Variants in SPNS3 observed in about 807,000 individuals in gnomAD.
The protein encoded by SPNS3 is SPNS lysolipid transporter 3, sphingosine-1-phosphate (putative).
Under a neutral mutation model 54.4 loss-of-function variants are expected in SPNS3, and 51 were observed. That is an observed-to-expected ratio of 0.94 (90% CI 0.75 to 1.18). SPNS3 has a LOEUF of 1.18. Among genes scored for constraint, SPNS3 ranks in the 50% most tolerant of loss-of-function variants. The pLI is 0.00. For synonymous variants in SPNS3, 309 were observed against 294.7 expected, an observed-to-expected ratio of 1.05 and a Z score of -0.50; for missense variants, 669 against 677.4, an observed-to-expected ratio of 0.99 and a Z score of 0.14.
At chr17:4,451,786 A>G (rs1454401297) in intron 7 of SPNS3, among the ~76,000 whole-genome samples, 2 of 148,584 alleles carry the variant, frequency 1.3e-5, no homozygotes, top group East Asian at 2.0e-4. Flanking sequence ...TCCTGCCTCA[A>G]CCTCCTGAGT....
chr17:4,470,808 C>T (rs181906667), intron 8 of SPNS3, among the ~76,000 whole-genome samples: 1 of 152,294 alleles, frequency 6.6e-6, no homozygotes, highest in East Asian at 1.9e-4. Context: ...TGAATACTAG[C>T]TATGAAAGAG....
chr17:4,484,399 G>C (rs1474605031), intron 9 of SPNS3, among the ~76,000 whole-genome samples: 1 of 152,128 alleles, frequency 6.6e-6, no homozygotes, highest in Non-Finnish European at 1.5e-5. Context: ...CGGCTCACTA[G>C]AACCTCCACC....
intron 8 of SPNS3, among the ~76,000 whole-genome samples, chr17:4,476,787 A>G (rs1972013466): frequency 6.6e-6 from 1 of 152,124 alleles, no homozygotes; most frequent in Non-Finnish European, 1.5e-5. Flanking sequence ...GGGACCAGGC[A>G]CTGCAGTCCC....
At chr17:4,478,539 G>C in intron 8 of SPNS3, 33 bp from the exon 9 acceptor site, 1 of 1,553,634 alleles carries the variant, frequency 6.4e-7, no homozygotes, top group Non-Finnish European at 8.7e-7. Flanking sequence ...CTGGGATCTG[G>C]GAATCCTCAC....
chr17:4,446,839 G>A lies in SPNS3; in HGVS notation c.555-57G>A. ...GCACCCTGGGTCAGGCTGGTGGTGGGGTCTGCCTTCCGCCTCCCTCCCCTC... is the reference window on the plus strand; with the variant it reads ...GCACCCTGGGTCAGGCTGGTGGTGGAGTCTGCCTTCCGCCTCCCTCCCCTC... On this transcript the variant is annotated intron_variant, in intron 4 of 11. Coordinates refer to ENST00000355530, the MANE Select transcript of SPNS3 (RefSeq NM_182538.5). The A allele has an allele frequency of 3.9e-6, 6 of 1,539,942 alleles. No homozygotes were observed. In the Admixed American group the frequency reaches 6.7e-5, roughly 17 times the overall value.
intron 1 of SPNS3, among the ~76,000 whole-genome samples, chr17:4,436,472 C>T (rs1443330746): frequency 1.3e-5 from 2 of 150,658 alleles, no homozygotes; most frequent in Admixed American, 1.3e-4. Context: ...TGTCTTCAGC[C>T]TCTCGGGAGG....
At chr17:4,480,471 G>T (rs757021278) in intron 9 of SPNS3, among the ~76,000 whole-genome samples, 3 of 152,184 alleles carry the variant, frequency 2.0e-5, no homozygotes, top group Non-Finnish European at 4.4e-5. Flanking sequence ...CTCTGAGGTG[G>T]TCCAAACAGA....
intron 8 of SPNS3, 151 bp from the exon 9 acceptor site, chr17:4,478,421 T>C: frequency 1.5e-6 from 1 of 668,492 alleles, no homozygotes. Context: ...ACTGGAAAAA[T>C]AGTTCTAGGC....
intron 1 of SPNS3, among the ~76,000 whole-genome samples, chr17:4,436,993 C>T (rs765143737): frequency 6.6e-6 from 1 of 152,214 alleles, no homozygotes; most frequent in South Asian, 2.1e-4. Flanking sequence ...GCCCTAAGAC[C>T]CTGAGTCTTG....
At chr17:4,441,840 C>T (rs1323033933) in intron 2 of SPNS3, among the ~76,000 whole-genome samples, 4 of 151,878 alleles carry the variant, frequency 2.6e-5, no homozygotes, top group Non-Finnish European at 5.9e-5. Context: ...GTCTCGAACT[C>T]CTGACCTCAA....
At chr17:4,477,988 T>G in intron 8 of SPNS3, among the ~76,000 whole-genome samples, 1 of 143,600 alleles carries the variant, frequency 7.0e-6, no homozygotes, top group Non-Finnish European at 1.5e-5. Flanking sequence ...TTTTTTTTTT[T>G]TGAGGCGGAG....
chr17:4,468,010 C>T (rs1462828639), intron 8 of SPNS3, among the ~76,000 whole-genome samples: 1 of 152,196 alleles, frequency 6.6e-6, no homozygotes, highest in Admixed American at 6.5e-5. Context: ...AGGTATAAGG[C>T]CACCCCCAGT....
In SPNS3 at chr17:4,448,166, C is replaced by A. The variant is rs1213624287; in HGVS notation, c.633C>A (p.Cys211Ter). The change falls in exon 6 of 12, where the codon TGC (cysteine) becomes TGA (stop). Residue 211 changes from cysteine to a stop codon, truncating the protein, a stop_gained. Coordinates refer to ENST00000355530, the MANE Select transcript of SPNS3 (RefSeq NM_182538.5). LOFTEE classifies it high-confidence loss of function. ...CCTCCTGTCCCCAGGTCATGCCCTG[C>A]CTGGAGGCCGTGGCCTTGATCCTGC... ...NWRWALRVMP[C>*]LEAVALILLI... The A allele has an allele frequency of 2.5e-6, 4 of 1,593,678 alleles. No individual in the cohort carries two copies. In the African/African-American group the frequency reaches 4.1e-5, roughly 16 times the overall value.
chr17:4,487,883 G>C lies in SPNS3; in HGVS notation c.1528G>C (p.Glu510Gln), dbSNP rs759966258. The change falls in exon 12 of 12, where the codon GAG (glutamate) becomes CAG (glutamine). Residue 510 changes from glutamate to glutamine, a missense_variant. By Grantham distance (29) the Glu-to-Gln change is conservative (BLOSUM62 2). Coordinates refer to ENST00000355530, the MANE Select transcript of SPNS3 (RefSeq NM_182538.5). ...ACTTTCGGGCGCTGGCGCCTCTACAGAGGAGCCCTGAGGTCCCTGCCTACA... is the reference window on the plus strand; with the variant it reads ...ACTTTCGGGCGCTGGCGCCTCTACACAGGAGCCCTGAGGTCCCTGCCTACA... ...GLLSGAGAST[E>Q]EP 6.2e-7 allele frequency: 1 copy of C among 1,613,906 alleles called. No homozygotes were observed. Among genetic ancestry groups the C allele is most frequent in the South Asian group, 1.1e-5 (1 of 91,084 alleles).
At chr17:4,455,166 G>C (rs764113680) in intron 8 of SPNS3, among the ~76,000 whole-genome samples, 3 of 151,628 alleles carry the variant, frequency 2.0e-5, no homozygotes, top group African/African-American at 7.3e-5. Context: ...CGCCTGTCTC[G>C]GCCTCCCAAA....
chr17:4,474,699 C>A (rs1597338049), intron 8 of SPNS3, among the ~76,000 whole-genome samples: 2 of 152,052 alleles, frequency 1.3e-5, no homozygotes. Flanking sequence ...GAGACACAAG[C>A]ATGTTTGTGT....
intron 8 of SPNS3, among the ~76,000 whole-genome samples, chr17:4,468,759 T>TTCTTTCTTTCTC (rs1971763254): frequency 7.0e-6 from 1 of 143,684 alleles, no homozygotes; most frequent in East Asian, 2.0e-4. Flanking sequence ...CTTTCTTTCT[T>TTCTTTCTTTCTC]TCTCTCTTTC....
intron 9 of SPNS3, among the ~76,000 whole-genome samples, chr17:4,481,520 G>C (rs1972149936): frequency 6.6e-6 from 1 of 152,188 alleles, no homozygotes; most frequent in African/African-American, 2.4e-5. Flanking sequence ...GGGCGGCCAA[G>C]AAAGCCACGA....
At chr17:4,458,713 C>T (rs990643992) in intron 8 of SPNS3, among the ~76,000 whole-genome samples, 1 of 149,536 alleles carries the variant, frequency 6.7e-6, no homozygotes, top group Non-Finnish European at 1.5e-5. Context: ...CAGACAGGGT[C>T]TCCCTGTGTT....
Sources: gnomAD v4.1 joint callset for allele counts (sites outside exome capture counted in the v4.1 genomes callset) on GRCh38, gnomAD v4.1.1 for gene constraint, MANE v1.5 for transcripts, NCBI Gene and HGNC (gene_info 2026-07-23, HGNC 2026-07-21) for gene names.